SAMTOR: variants seen among roughly 807,000 people sequenced by gnomAD.
The protein encoded by SAMTOR is S-adenosylmethionine sensor upstream of mTORC1, also known as UPF0532 protein C7orf60.
chr7:112,823,559 T>C, the SAMTOR span, among the ~76,000 whole-genome samples: 34 of 152,204 alleles, frequency 2.2e-4, no homozygotes, highest in African/African-American at 8.0e-4. Context: ...AGTTGGTTTA[T>C]CCATATACAC....
At chr7:112,911,262 A>T in the SAMTOR span, among the ~76,000 whole-genome samples, 8 of 152,144 alleles carry the variant, frequency 5.3e-5, no homozygotes, top group Admixed American at 1.3e-4. Flanking sequence ...AAAAGCAGAA[A>T]AACATTAGGC....
chr7:112,840,815 C>A, the SAMTOR span, among the ~76,000 whole-genome samples: 1 of 151,758 alleles, frequency 6.6e-6, no homozygotes, highest in African/African-American at 2.4e-5. Flanking sequence ...AAATGTAATC[C>A]ATCACATTAA....
the SAMTOR span, among the ~76,000 whole-genome samples, chr7:112,918,510 C>T: frequency 2.0e-5 from 3 of 152,124 alleles, no homozygotes; most frequent in Non-Finnish European, 2.9e-5. Context: ...ATTGTAAAGA[C>T]CCTCAAGGCT....
chr7:112,915,481 A>G, the SAMTOR span: 1 of 1,522,382 alleles, frequency 6.6e-7, no homozygotes, highest in Non-Finnish European at 8.9e-7. Flanking sequence ...TTAAGTTTAC[A>G]CTGAAACATG....
At chr7:112,882,658 C>T in the SAMTOR span, among the ~76,000 whole-genome samples, 1 of 151,860 alleles carries the variant, frequency 6.6e-6, no homozygotes, top group African/African-American at 2.4e-5. Context: ...CACTGCACTC[C>T]AGCCTGCCAA....
chr7:112,902,986 T>A, the SAMTOR span, among the ~76,000 whole-genome samples: 3 of 152,160 alleles, frequency 2.0e-5, no homozygotes, highest in East Asian at 1.9e-4. Flanking sequence ...ATATCCAAAT[T>A]GAGAGGCAAT....
chr7:112,822,033 A>C, the SAMTOR span: 7 of 1,613,732 alleles, frequency 4.3e-6, no homozygotes, highest in South Asian at 7.7e-5. Flanking sequence ...CATATGTGAA[A>C]ATTTTGAGTA....
chr7:112,832,985 C>A, the SAMTOR span, among the ~76,000 whole-genome samples: 1 of 151,990 alleles, frequency 6.6e-6, no homozygotes, highest in Non-Finnish European at 1.5e-5. Flanking sequence ...CTGTATTGCC[C>A]AGGCTGGTCT....
the SAMTOR span, among the ~76,000 whole-genome samples, chr7:112,824,412 G>A: frequency 2.0e-5 from 3 of 152,024 alleles, no homozygotes; most frequent in Non-Finnish European, 4.4e-5. Flanking sequence ...CCAGACTGGA[G>A]TGCAGTAGCG....
chr7:112,822,660 A>G, the SAMTOR span, among the ~76,000 whole-genome samples: 2 of 152,114 alleles, frequency 1.3e-5, no homozygotes, highest in African/African-American at 2.4e-5. Context: ...ACTTACATGA[A>G]TTTTAATTTG....
the SAMTOR span, among the ~76,000 whole-genome samples, chr7:112,900,314 T>C: frequency 6.6e-6 from 1 of 152,142 alleles, no homozygotes; most frequent in Non-Finnish European, 1.5e-5. Flanking sequence ...TTGAGAACCA[T>C]TTTATAAGTT....
At chr7:112,849,287 T>C in the SAMTOR span, among the ~76,000 whole-genome samples, 1 of 152,140 alleles carries the variant, frequency 6.6e-6, no homozygotes, top group Non-Finnish European at 1.5e-5. Flanking sequence ...AAAATCACAA[T>C]GTAATTTCCC....
the SAMTOR span, among the ~76,000 whole-genome samples, chr7:112,835,522 T>G: frequency 3.3e-5 from 5 of 152,222 alleles, no homozygotes; most frequent in South Asian, 1.0e-3. Context: ...GGGGTACATG[T>G]ACAGGTTACA....
At chr7:112,931,015 T>C in the SAMTOR span, among the ~76,000 whole-genome samples, 1 of 152,320 alleles carries the variant, frequency 6.6e-6, no homozygotes, top group East Asian at 1.9e-4. Flanking sequence ...TGGTCTTTTG[T>C]CAGTCAAATG....
At chr7:112,843,934 T>C in the SAMTOR span, among the ~76,000 whole-genome samples, 1 of 152,064 alleles carries the variant, frequency 6.6e-6, no homozygotes, top group Non-Finnish European at 1.5e-5. Flanking sequence ...TCCACCACAG[T>C]CAAGTAGGCT....
chr7:112,912,308 C>T, the SAMTOR span, among the ~76,000 whole-genome samples: 6 of 151,840 alleles, frequency 4.0e-5, no homozygotes, highest in African/African-American at 1.2e-4. Flanking sequence ...AAGGCAAATT[C>T]CTTTATTGAA....
At chr7:112,822,959 C>G in the SAMTOR span, among the ~76,000 whole-genome samples, 1 of 151,928 alleles carries the variant, frequency 6.6e-6, no homozygotes, top group Non-Finnish European at 1.5e-5. Flanking sequence ...TTTAGTTAGA[C>G]AAATGACCAT....
chr7:112,935,812 G>A, the SAMTOR span, among the ~76,000 whole-genome samples: 9 of 152,066 alleles, frequency 5.9e-5, no homozygotes, highest in South Asian at 4.1e-4. Flanking sequence ...TTACATAAAC[G>A]CTTTAAGTTT....
At chr7:112,820,301 G>T in the SAMTOR span, 1 of 152,348 alleles carries the variant, frequency 6.6e-6, no homozygotes, top group Non-Finnish European at 1.5e-5. Flanking sequence ...AAAAACATCA[G>T]CTTTACCAGA....
Sources: allele counts gnomAD v4.1 joint callset (sites outside exome capture counted in the v4.1 genomes callset), GRCh38; gene constraint gnomAD v4.1.1; transcripts MANE v1.5; gene names NCBI Gene and HGNC (gene_info 2026-07-23, HGNC 2026-07-21).